FOXP1: variants seen among roughly 807,000 people sequenced by gnomAD.
FOXP1 encodes the protein forkhead box P1, also known as forkhead box protein P1.
In FOXP1, 15 loss-of-function variants were observed where a neutral mutation model predicts 98.2. The ratio of observed to expected loss-of-function variants is 0.15; its 90% CI spans 0.10 to 0.24. FOXP1 has a LOEUF of 0.24. FOXP1 is among the 10% of genes least tolerant of loss of function. The probability of loss-of-function intolerance (pLI) is 1.00; values close to 1 mark genes in which losing one functional copy is unlikely to be tolerated. For missense variants in FOXP1, 633 were observed against 848.5 expected, an observed-to-expected ratio of 0.75 and a Z score of 3.15; for synonymous variants, 371 against 314.5, an observed-to-expected ratio of 1.18 and a Z score of -1.90.
intron 1 of FOXP1, chr3:71,582,167 G>C: frequency 1.0e-6 from 1 of 985,078 alleles, no homozygotes; most frequent in Non-Finnish European, 1.2e-6. Flanking sequence ...CAGAGCCCGT[G>C]TGTGTCACTG....
chr3:71,396,973 T>TATATACAA (rs1237357238), intron 3 of FOXP1, among the ~76,000 whole-genome samples: 1 of 27,382 alleles, frequency 3.7e-5, no homozygotes, highest in Non-Finnish European at 1.0e-4. Context: ...TGTGTGTATA[T>TATATACAA]ATATATATGT....
chr3:71,045,648 C>G (rs990063705), intron 10 of FOXP1, among the ~76,000 whole-genome samples: 8 of 152,094 alleles, frequency 5.3e-5, no homozygotes, highest in Admixed American at 1.3e-4. Flanking sequence ...GCAGTCATGG[C>G]AGAAAGGAGT....
intron 9 of FOXP1, among the ~76,000 whole-genome samples, chr3:71,049,413 C>T (rs1188479392): frequency 1.3e-5 from 2 of 152,192 alleles, no homozygotes; most frequent in East Asian, 3.8e-4. Context: ...TGAGCAGTCA[C>T]TTCAATAGCT....
chr3:71,421,629 CAG>C (rs1424984994), intron 3 of FOXP1, among the ~76,000 whole-genome samples: 2 of 152,122 alleles, frequency 1.3e-5, no homozygotes, highest in African/African-American at 4.8e-5. Context: ...CGACTCAGGA[CAG>C]AGACACCTGC....
At chr3:71,434,348 G>A (rs902990929) in intron 3 of FOXP1, among the ~76,000 whole-genome samples, 1 of 152,064 alleles carries the variant, frequency 6.6e-6, no homozygotes, top group East Asian at 1.9e-4. Context: ...CCAGTCCTGG[G>A]AGTCCACCTG....
chr3:71,519,124 T>A (rs1205374562), intron 2 of FOXP1, among the ~76,000 whole-genome samples: 1 of 152,160 alleles, frequency 6.6e-6, no homozygotes, highest in Non-Finnish European at 1.5e-5. Context: ...CACATGCCTC[T>A]ATTGCCAGCT....
At chr3:71,055,145 G>T (rs1407507095) in intron 7 of FOXP1, among the ~76,000 whole-genome samples, 7 of 152,178 alleles carry the variant, frequency 4.6e-5, no homozygotes, top group Non-Finnish European at 7.4e-5. Context: ...CATTTGCATA[G>T]CGAGCTCTCA....
At chr3:71,395,100 CAAAAAAAAAAAAAA>C (rs10543398) in intron 3 of FOXP1, among the ~76,000 whole-genome samples, 2 of 63,808 alleles carry the variant, frequency 3.1e-5, no homozygotes, top group African/African-American at 1.3e-4. Context: ...AACCCCGTCA[CAAAAAAAAAAAAAA>C]AAAAAAAAAA....
intron 7 of FOXP1, among the ~76,000 whole-genome samples, chr3:71,106,422 G>A (rs982733617): frequency 3.3e-5 from 5 of 152,082 alleles, no homozygotes; most frequent in African/African-American, 4.8e-5. Flanking sequence ...TGCAACCTCC[G>A]CCTTCCAGGT....
chr3:71,425,415 C>A (rs1301458391), intron 3 of FOXP1, among the ~76,000 whole-genome samples: 1 of 152,170 alleles, frequency 6.6e-6, no homozygotes, highest in African/African-American at 2.4e-5. Context: ...TGTGAGCCAC[C>A]ACACCCAGCC....
chr3:71,573,051 A>G (rs1220231051), intron 2 of FOXP1, among the ~76,000 whole-genome samples: 1 of 152,114 alleles, frequency 6.6e-6, no homozygotes, highest in African/African-American at 2.4e-5. Context: ...AAATCTATTC[A>G]TTTTCAAAAG....
chr3:71,106,678 T>C (rs569755803), intron 7 of FOXP1, among the ~76,000 whole-genome samples: 31 of 151,780 alleles, frequency 2.0e-4, no homozygotes, highest in South Asian at 1.0e-3. Flanking sequence ...CAGACTGGCC[T>C]CAAACTCCTG....
intron 6 of FOXP1, among the ~76,000 whole-genome samples, chr3:71,180,848 T>G (rs1023502697): frequency 1.3e-5 from 2 of 152,212 alleles, no homozygotes; most frequent in African/African-American, 4.8e-5. Flanking sequence ...AGGCAAACTG[T>G]GTCCTTAACT....
chr3:71,131,544 T>TA (rs1228787851), intron 6 of FOXP1, among the ~76,000 whole-genome samples: 2 of 152,202 alleles, frequency 1.3e-5, no homozygotes, highest in Non-Finnish European at 2.9e-5. Context: ...CAGGTGCTAA[T>TA]ACTCGGCTAA....
chr3:71,581,269 A>T, intron 2 of FOXP1: 1 of 985,342 alleles, frequency 1.0e-6, no homozygotes, highest in South Asian at 4.7e-5. Flanking sequence ...AAGGGGGGCG[A>T]GGATGTCACC....
chr3:71,472,226 A>G (rs1471265277), intron 3 of FOXP1, among the ~76,000 whole-genome samples: 1 of 152,004 alleles, frequency 6.6e-6, no homozygotes, highest in Non-Finnish European at 1.5e-5. Flanking sequence ...GACCACTCTC[A>G]CCCTGGATTA....
intron 16 of FOXP1, among the ~76,000 whole-genome samples, 162 bp downstream of exon 16, chr3:70,977,481 A>C (rs1170706209): frequency 6.6e-6 from 1 of 152,220 alleles, no homozygotes; most frequent in Non-Finnish European, 1.5e-5. Context: ...TGTAATACTT[A>C]ATCAAAAGCA....
intron 2 of FOXP1, among the ~76,000 whole-genome samples, chr3:71,575,984 C>T (rs1002490625): frequency 5.7e-4 from 86 of 152,192 alleles, no homozygotes; most frequent in African/African-American, 2.0e-3. Context: ...GGATGTCCAC[C>T]TGACTTACAA....
chr3:71,429,404 G>A (rs1440647511), intron 3 of FOXP1, among the ~76,000 whole-genome samples: 1 of 145,726 alleles, frequency 6.9e-6, no homozygotes, highest in Non-Finnish European at 1.5e-5. Flanking sequence ...AGCATTTCAG[G>A]AATCAAAGGC....
Sources: allele counts gnomAD v4.1 joint callset (sites outside exome capture counted in the v4.1 genomes callset), GRCh38; gene constraint gnomAD v4.1.1; transcripts MANE v1.5; gene names NCBI Gene and HGNC (gene_info 2026-07-23, HGNC 2026-07-21).